Variants in PAEP observed in about 807,000 individuals in gnomAD.
The protein encoded by PAEP is glycodelin.
Under a neutral mutation model 23.0 loss-of-function variants are expected in PAEP, and 28 were observed. The observed-to-expected ratio is 1.22, with a 90% CI of 0.90 to 1.67. The LOEUF (loss-of-function observed/expected upper bound fraction) is 1.67. PAEP is among the 40% of genes most tolerant of loss of function. The pLI is 0.00. For synonymous variants in PAEP, 103 were observed against 92.4 expected, an observed-to-expected ratio of 1.12 and a Z score of -0.66; for missense variants, 209 against 226.4, an observed-to-expected ratio of 0.92 and a Z score of 0.49.
rs560184366 is a variant in PAEP, at chr9:135,564,001, G to A, written c.311-243G>A. ...CCAGGTCACAGCCTCCCTGCCTGCCGTGTCTGCCTCTCCACGGCACACCTG... is the reference window on the plus strand; with the variant it reads ...CCAGGTCACAGCCTCCCTGCCTGCCATGTCTGCCTCTCCACGGCACACCTG... On this transcript the variant is annotated intron_variant, in intron 3 of 6. Coordinates refer to ENST00000479141, the MANE Select transcript of PAEP (RefSeq NM_002571.4). Among the ~76,000 whole-genome samples the A allele has an allele frequency of 5.3e-5, 8 of 152,260 alleles. No homozygotes were observed. The East Asian group carries it at 9.7e-4, about 18-fold the overall frequency.
At chr9:135,565,675 G>C (rs1434988157) in intron 5 of PAEP, 110 bp from the exon 6 acceptor site, 50 of 1,424,042 alleles carry the variant, frequency 3.5e-5, no homozygotes, top group Non-Finnish European at 9.9e-7. Flanking sequence ...CTGAGGTGGG[G>C]TCCTGCCCTC....
At chr9:135,564,767 G>T (rs1006752929) in intron 4 of PAEP, 4 of 979,748 alleles carry the variant, frequency 4.1e-6, no homozygotes, top group Non-Finnish European at 4.8e-6. Context: ...GCCTCCCAAA[G>T]GGCTGGGATT....
At chr9:135,563,798 A>G (rs1832449836) in intron 3 of PAEP, among the ~76,000 whole-genome samples, 1 of 152,136 alleles carries the variant, frequency 6.6e-6, no homozygotes. Flanking sequence ...TTCCCAGCAA[A>G]TACAGTTTGC....
rs1216165008 is a variant in PAEP, at chr9:135,564,313, A to G, written c.380A>G (p.Asp127Gly). 6 of 1,552,142 alleles carry G rather than the reference A, an allele frequency of 3.9e-6. No homozygotes were observed. Among genetic ancestry groups the G allele is most frequent in the Admixed American group, 2.0e-5 (1 of 51,036 alleles). The change falls in exon 4 of 7, where the codon GAC becomes GGC. Residue 127 changes from aspartate (D) to glycine (G), a missense_variant. Coordinates refer to ENST00000479141, the MANE Select transcript of PAEP (RefSeq NM_002571.4). ...YDNFLFLCLQ[D>G]TTTPIQSMMC... is the part of the protein sequence containing the mutation. Reference sequence around the variant, plus strand: ...AATTTCCTGTTTCTCTGCCTACAGGACACCACCACCCCCATCCAGAGCATG... The same window carrying G: ...AATTTCCTGTTTCTCTGCCTACAGGGCACCACCACCCCCATCCAGAGCATG...
At chr9:135,565,275 T>C in intron 4 of PAEP, 135 bp from the exon 5 acceptor site, 1 of 738,934 alleles carries the variant, frequency 1.4e-6, no homozygotes. Context: ...AGGGACCTAC[T>C]CCAGACCAAA....
intron 1 of PAEP, 108 bp from the exon 2 acceptor site, chr9:135,562,186 C>T: frequency 7.9e-7 from 1 of 1,259,816 alleles, no homozygotes; most frequent in Non-Finnish European, 1.1e-6. Context: ...AGCAGACAAC[C>T]ATCCAATGCT....
In PAEP at chr9:135,565,408, A is replaced by G; in HGVS notation, c.422-2A>G. The G allele has an allele frequency of 6.2e-7, 1 of 1,613,532 alleles. No individual in the cohort carries two copies. Among genetic ancestry groups the G allele is most frequent in the South Asian group, 1.1e-5 (1 of 91,074 alleles). ...CCAGGACTGACCCAGCCTCTTCCACAGCCAGAGTCCTGGTGGAGGACGATG... is the reference window on the plus strand; with the variant it reads ...CCAGGACTGACCCAGCCTCTTCCACGGCCAGAGTCCTGGTGGAGGACGATG... On this transcript the variant is annotated splice_acceptor_variant, in intron 4 of 6. Transcript: ENST00000479141. LOFTEE classifies it high-confidence loss of function.
At chr9:135,566,353 A>G (rs12342003) in intron 6 of PAEP, 200 bp from the exon 7 acceptor site, 4,666 of 155,656 alleles carry the variant, frequency 0.03, 236 homozygotes, top group African/African-American at 0.11. Context: ...TATTTTTAAT[A>G]GAAACGGGGT....
rs1832557317 is a variant in PAEP at position 135,565,872 on chromosome 9, G to C, written c.*71G>C. On this transcript the variant is annotated intron_variant, in intron 6 of 6. Transcript: ENST00000479141. ...GCCCACTGTCTGCGGCTGCCTCTCT[G>C]GGCCCCTGGGACAGACCCTACTGTG... The C allele has an allele frequency of 2.0e-6, 3 of 1,536,316 alleles. No homozygotes were observed. The African/African-American group carries it at 4.1e-5, about 21-fold the overall frequency.
chr9:135,566,484 T>TCCTTC lies in PAEP; in HGVS notation c.*1-67_*1-63dup, dbSNP rs962578545. Reference sequence around the variant, plus strand: ...AGGGGGTGTCCTCAAGCCCACCACATCCTTCCAGGGCTCCCCCGAAACACC... The same window carrying TCCTTC: ...AGGGGGTGTCCTCAAGCCCACCACATCCTTCCCTTCCAGGGCTCCCCCGAAACACC... On this transcript the variant is annotated intron_variant, in intron 6 of 6. Transcript: ENST00000479141. The TCCTTC allele has an allele frequency of 3.2e-5, 5 of 154,968 alleles. 1 individual carries two copies. In the South Asian group the frequency reaches 8.2e-4, roughly 25 times the overall value. 9.6% of individuals were successfully genotyped at this position (154,968 alleles called of 1,614,324 possible).
Position 135,561,793 on chromosome 9 carries a change from G to A in PAEP, c.-9G>A. 4 of 1,545,866 alleles carry A rather than the reference G, an allele frequency of 2.6e-6. No individual in the cohort carries two copies. The highest frequency in any genetic ancestry group is 3.5e-6 in the Non-Finnish European group (4 of 1,142,686). Reference sequence around the variant, plus strand: ...GCTCCAGAGCTCAGAGCCACCCACAGCCGCAGCCATGCTGTGCCTCCTGCT... The same window carrying A: ...GCTCCAGAGCTCAGAGCCACCCACAACCGCAGCCATGCTGTGCCTCCTGCT... On this transcript the variant is annotated 5_prime_UTR_variant, in exon 1 of 7. Transcript: ENST00000479141.
intron 5 of PAEP, 57 bp from the exon 6 acceptor site, chr9:135,565,728 T>C: frequency 6.2e-7 from 1 of 1,600,048 alleles, no homozygotes; most frequent in Non-Finnish European, 8.6e-7. Context: ...GGGGCTGCTG[T>C]GTCCCCAGCT....
intron 4 of PAEP, 31 bp from the exon 5 acceptor site, chr9:135,565,379 G>T (rs1205829428): frequency 6.3e-7 from 1 of 1,575,956 alleles, no homozygotes; most frequent in African/African-American, 1.3e-5. Flanking sequence ...GAAGCCCCAG[G>T]GGCCCAGGAC....
At chr9:135,563,051 T>G (rs908196329) in intron 3 of PAEP, 158 bp downstream of exon 3, 4 of 635,724 alleles carry the variant, frequency 6.3e-6, no homozygotes. Context: ...AACCTGATGC[T>G]GACCCCAGAG....
chr9:135,565,761 C>T, intron 5 of PAEP, 24 bp from the exon 6 acceptor site: 1 of 1,614,066 alleles, frequency 6.2e-7, no homozygotes, highest in Non-Finnish European at 8.5e-7. Flanking sequence ...GCTGACACCT[C>T]CACTGTCCCA....
chr9:135,565,667 G>T (rs1564251405), intron 5 of PAEP, 118 bp from the exon 6 acceptor site: 1 of 1,393,820 alleles, frequency 7.2e-7, no homozygotes. Context: ...GAGCCACCCT[G>T]AGGTGGGGTC....
chr9:135,561,819 C>T lies in PAEP; in HGVS notation c.18C>T (p.Leu6=), dbSNP rs1301079898. The T allele has an allele frequency of 1.3e-6, 2 of 1,555,006 alleles. No individual in the cohort carries two copies. The highest frequency in any genetic ancestry group is 1.7e-6 in the Non-Finnish European group (2 of 1,148,608). Residue 6 remains leucine (L), a synonymous_variant, in exon 1 of 7, where the codon CTC becomes CTT. Transcript: ENST00000479141. MLCLL[L]TLGVALVCGV... is the part of the protein sequence containing the mutation. ...CCGCAGCCATGCTGTGCCTCCTGCT[C>T]ACCCTGGGCGTGGCCCTGGTCTGTG...
rs369793647 is a variant in PAEP, at chr9:135,564,217, C to T, written c.311-27C>T. The T allele has an allele frequency of 6.4e-6, 10 of 1,551,664 alleles. No individual in the cohort carries two copies. The African/African-American group carries it at 1.1e-4, about 17-fold the overall frequency. On this transcript the variant is annotated intron_variant, in intron 3 of 6. Transcript: ENST00000479141. ...CTGCTGAGACGGAGGCTTCATCTTC[C>T]TTTTGGTTCTTCTCTTCTTTCCCCA...
At chr9:135,564,880 G>A (rs1237938959) in intron 4 of PAEP, 10 of 985,236 alleles carry the variant, frequency 1.0e-5, no homozygotes, top group Non-Finnish European at 1.2e-5. Context: ...TGGGACGGTC[G>A]CCAGTCAAGG....
Sources: gnomAD v4.1 joint callset for allele counts (sites outside exome capture counted in the v4.1 genomes callset) on GRCh38, gnomAD v4.1.1 for gene constraint, MANE v1.5 for transcripts, NCBI Gene and HGNC (gene_info 2026-07-23, HGNC 2026-07-21) for gene names.